Variants in GPT2 observed in about 807,000 individuals in gnomAD.
GPT2 encodes alanine aminotransferase 2.
A neutral mutation model predicts 56.9 loss-of-function variants in GPT2; 30 were observed. The observed-to-expected ratio is 0.53, with a 90% confidence interval of 0.39 to 0.72. The LOEUF (loss-of-function observed/expected upper bound fraction) is 0.72. Among genes scored for constraint, GPT2 ranks in the 30% least tolerant of loss-of-function variants. The pLI is 0.00. For missense variants in GPT2, 542 were observed against 703.4 expected (o/e 0.77, Z 2.60); for synonymous variants, 271 against 283.1 (o/e 0.96, Z 0.43).
At chr16:46,924,149 C>T in intron 9 of GPT2, 5 of 562,310 alleles carry the variant, frequency 8.9e-6, no homozygotes, top group Non-Finnish European at 1.7e-5. Flanking sequence ...GTCAGTCTGT[C>T]TGATACCCCA....
At chr16:46,922,527 TG>T in intron 9 of GPT2, 111 bp downstream of exon 9, 1 of 1,052,524 alleles carries the variant, frequency 9.5e-7, no homozygotes, top group East Asian at 2.5e-5. Flanking sequence ...CCTGAGGGTG[TG>T]GCCTGCAGGT....
At chr16:46,900,870 C>G in intron 4 of GPT2, 80 bp downstream of exon 4, 1 of 1,164,830 alleles carries the variant, frequency 8.6e-7, no homozygotes, top group Non-Finnish European at 1.3e-6. Context: ...GCGGAGGGTC[C>G]TGCATGCGAA....
chr16:46,901,747 C>T (rs936571194), intron 4 of GPT2, among the ~76,000 whole-genome samples: 2 of 152,200 alleles, frequency 1.3e-5, no homozygotes, highest in Non-Finnish European at 2.9e-5. Context: ...TATTGACGGC[C>T]CTGTGCTTAC....
At chr16:46,916,728 A>C in intron 7 of GPT2, 21 bp downstream of exon 7, 1 of 1,514,808 alleles carries the variant, frequency 6.6e-7, no homozygotes, top group Non-Finnish European at 9.1e-7. Context: ...CCCCACTCAG[A>C]GGGAGTGGGC....
chr16:46,916,597 C>T (rs183881723), intron 6 of GPT2, 31 bp from the exon 7 acceptor site: 27 of 1,542,490 alleles, frequency 1.8e-5, no homozygotes, highest in Middle Eastern at 1.7e-4. Context: ...GCATTACAAC[C>T]GACATTTTGG....
At chr16:46,903,373 A>G (rs1960858348) in intron 4 of GPT2, among the ~76,000 whole-genome samples, 1 of 151,888 alleles carries the variant, frequency 6.6e-6, no homozygotes, top group Admixed American at 6.6e-5. Flanking sequence ...CAGTGGTGCA[A>G]TCATAGCTCA....
At chr16:46,909,518 A>G (rs972932753) in intron 5 of GPT2, among the ~76,000 whole-genome samples, 166 bp from the exon 6 acceptor site, 1 of 151,894 alleles carries the variant, frequency 6.6e-6, no homozygotes, top group Non-Finnish European at 1.5e-5. Flanking sequence ...TATTTTGCTT[A>G]CTCCTCGCAG....
Position 46,885,211 on chromosome 16 carries a change from G to T in GPT2, c.243+253G>T, listed in dbSNP as rs550317589. On this transcript the variant is annotated intron_variant, in intron 2 of 11. Transcript: ENST00000340124. ...CGTCAATTGTTGAGCGGGCCGTGCT[G>T]CCAGGCACCGCACGTTGTGTGTCTG... 36 of 1,245,710 alleles carry T rather than the reference G, an allele frequency of 2.9e-5. No homozygotes were observed. The African/African-American group carries it at 5.3e-4, about 18-fold the overall frequency. The allele number at this position is 1,245,710 out of a possible 1,614,324, so 77.2% of individuals were successfully genotyped here.
Position 46,903,565 on chromosome 16 carries a change from C to G in GPT2, c.442+2775C>G, listed in dbSNP as rs538913659. Reference sequence around the variant, plus strand: ...CAAGCAATCATCCTGCCTCAGCCTCCAGAGTAGTTGGGATTACAGGCATAA... The same window carrying G: ...CAAGCAATCATCCTGCCTCAGCCTCGAGAGTAGTTGGGATTACAGGCATAA... On this transcript the variant is annotated intron_variant, in intron 4 of 11. Coordinates refer to ENST00000340124, the MANE Select transcript of GPT2 (RefSeq NM_133443.4). Among the ~76,000 whole-genome samples, 49 of 152,280 alleles carry G rather than the reference C, an allele frequency of 3.2e-4. 1 individual carries two copies. The highest frequency in any genetic ancestry group is 1.5e-4 in the Non-Finnish European group (10 of 68,014).
At chr16:46,906,820 T>C (rs949180841) in intron 4 of GPT2, 22 bp from the exon 5 acceptor site, 1 of 1,612,088 alleles carries the variant, frequency 6.2e-7, no homozygotes, top group Admixed American at 1.7e-5. Flanking sequence ...CCTCTGTTAC[T>C]GTCTTGCCTG....
At chr16:46,916,506 G>T in intron 6 of GPT2, 122 bp from the exon 7 acceptor site, 1 of 759,742 alleles carries the variant, frequency 1.3e-6, no homozygotes, top group South Asian at 1.5e-5. Context: ...CCTCTGCGGG[G>T]AGGGTGTTCT....
In GPT2 at chr16:46,884,813, C is replaced by A; in HGVS notation, c.98C>A (p.Ala33Glu). The change falls in exon 2 of 12, where the codon GCG (alanine) becomes GAG (glutamate). Residue 33 changes from alanine (A) to glutamate (E), a missense_variant. Physicochemically the swap from Ala to Glu is moderately radical, Grantham distance 107. Coordinates refer to ENST00000340124, the MANE Select transcript of GPT2 (RefSeq NM_133443.4). ...SQSSAAAEASAVLKVRPERSR... is the reference protein window; with the variant it reads ...SQSSAAAEASEVLKVRPERSR... ...AGCAGCGCGGCCGCCGAGGCCTCGG[C>A]GGTGCTCAAGGTGCGGCCCGAGCGC... 1 of 1,528,926 alleles carries A rather than the reference C, an allele frequency of 6.5e-7. No individual in the cohort carries two copies. The highest frequency in any genetic ancestry group is 8.8e-7 in the Non-Finnish European group (1 of 1,138,400). 94.7% of individuals were successfully genotyped at this position (1,528,926 alleles called of 1,614,324 possible). A position where few individuals can be genotyped will look rare whatever the true frequency, so the allele number is the denominator to read the frequency against.
chr16:46,924,271 C>T lies in GPT2; in HGVS notation c.1213-118C>T. On this transcript the variant is annotated intron_variant, in intron 9 of 11. Transcript: ENST00000340124. ...GCATGGGTCAGAGGGGACATGTGTT[C>T]AAAGCTGGAGCAAAGTCATCATCTG... 2.5e-6 allele frequency: 3 copies of T among 1,182,650 alleles called. No homozygotes were observed. The South Asian group carries it at 3.8e-5, about 15-fold the overall frequency. The allele number at this position is 1,182,650 out of a possible 1,614,324, so 73.3% of individuals were successfully genotyped here.
intron 4 of GPT2, among the ~76,000 whole-genome samples, chr16:46,901,680 C>A (rs1015858672): frequency 1.3e-5 from 2 of 152,048 alleles, no homozygotes; most frequent in African/African-American, 2.4e-5. Context: ...AGGGGAGTGG[C>A]CCCCCTTGTT....
chr16:46,917,697 C>T (rs1002081771), intron 7 of GPT2, among the ~76,000 whole-genome samples: 5 of 152,002 alleles, frequency 3.3e-5, no homozygotes, highest in Non-Finnish European at 7.4e-5. Flanking sequence ...CACACACACA[C>T]GCATACACAC....
chr16:46,899,914 C>T (rs1331287469), intron 3 of GPT2, among the ~76,000 whole-genome samples: 2 of 152,204 alleles, frequency 1.3e-5, no homozygotes, highest in Non-Finnish European at 2.9e-5. Context: ...AGCCTTCACA[C>T]ATCTCCTCTG....
intron 7 of GPT2, 45 bp downstream of exon 7, chr16:46,916,752 T>G (rs376018654): frequency 4.4e-6 from 6 of 1,351,310 alleles, no homozygotes; most frequent in Non-Finnish European, 6.4e-6. Flanking sequence ...AGCTTTCTCT[T>G]CTAGAGGGAG....
chr16:46,912,649 A>G (rs991030561), intron 6 of GPT2, among the ~76,000 whole-genome samples: 8 of 152,244 alleles, frequency 5.3e-5, no homozygotes, highest in East Asian at 1.9e-4. Context: ...GCATGGTGGT[A>G]TCAGCTTCTG....
At chr16:46,917,219 G>A (rs1961186649) in intron 7 of GPT2, among the ~76,000 whole-genome samples, 1 of 152,210 alleles carries the variant, frequency 6.6e-6, no homozygotes, top group Non-Finnish European at 1.5e-5. Flanking sequence ...AGGGGTTCCA[G>A]TATGCAGATT....
Sources: allele counts gnomAD v4.1 joint callset (sites outside exome capture counted in the v4.1 genomes callset), GRCh38; gene constraint gnomAD v4.1.1; transcripts MANE v1.5; gene names NCBI Gene and HGNC (gene_info 2026-07-23, HGNC 2026-07-21).